AGBL4: variants seen among roughly 807,000 people sequenced by gnomAD.
The protein encoded by AGBL4 is cytosolic carboxypeptidase 6.
A neutral mutation model predicts 66.4 loss-of-function variants in AGBL4; 58 were observed. The observed-to-expected ratio is 0.87, with a 90% CI of 0.71 to 1.09. AGBL4 has a LOEUF of 1.09. Ranked by LOEUF, AGBL4 falls within the 50% of genes least tolerant of loss-of-function variation. The probability of loss-of-function intolerance (pLI) is 0.00; values close to 1 mark genes in which losing one functional copy is unlikely to be tolerated. For missense variants in AGBL4, 579 were observed against 631.0 expected (o/e 0.92, Z 0.88); for synonymous variants, 234 against 222.9 (o/e 1.05, Z -0.44).
chr1:49,780,327 A>AT (rs1557439353), intron 2 of AGBL4, among the ~76,000 whole-genome samples: 1 of 152,200 alleles, frequency 6.6e-6, no homozygotes, highest in Non-Finnish European at 1.5e-5. Context: ...ATAATTGATA[A>AT]TAAGAGCCCA....
chr1:49,304,994 T>C (rs1570392957), intron 3 of AGBL4, among the ~76,000 whole-genome samples: 2 of 152,314 alleles, frequency 1.3e-5, no homozygotes, highest in East Asian at 1.9e-4. Context: ...ACTTTATAGA[T>C]ATTAGTTAAT....
intron 1 of AGBL4, among the ~76,000 whole-genome samples, chr1:50,008,826 T>C (rs1016774013): frequency 6.6e-6 from 1 of 152,016 alleles, no homozygotes; most frequent in Non-Finnish European, 1.5e-5. Context: ...GACACTAAAA[T>C]TGATGTGGCA....
At chr1:49,688,929 T>A (rs1412921629) in intron 3 of AGBL4, among the ~76,000 whole-genome samples, 1 of 152,178 alleles carries the variant, frequency 6.6e-6, no homozygotes, top group Admixed American at 6.5e-5. Context: ...ATTATTTGAT[T>A]TTTTTCCTAT....
intron 3 of AGBL4, among the ~76,000 whole-genome samples, chr1:49,489,590 T>A (rs943313293): frequency 6.6e-6 from 1 of 151,914 alleles, no homozygotes. Context: ...TTGTGGGGTA[T>A]TACTCAAGAA....
chr1:49,101,113 C>A (rs1284407759), intron 4 of AGBL4, among the ~76,000 whole-genome samples: 1 of 152,004 alleles, frequency 6.6e-6, no homozygotes, highest in Admixed American at 6.6e-5. Flanking sequence ...TGTGAATCAT[C>A]CATCTACGGG....
At chr1:49,059,149 C>T in intron 4 of AGBL4, among the ~76,000 whole-genome samples, 1 of 152,168 alleles carries the variant, frequency 6.6e-6, no homozygotes, top group East Asian at 1.9e-4. Context: ...CCCCTCTTAT[C>T]ACAGGCCCAG....
chr1:49,223,530 A>G (rs2148281903), intron 4 of AGBL4, among the ~76,000 whole-genome samples: 1 of 152,304 alleles, frequency 6.6e-6, no homozygotes, highest in African/African-American at 2.4e-5. Flanking sequence ...ATGACTTCTT[A>G]CAAGACTAAC....
At chr1:49,079,000 C>T (rs182479555) in intron 4 of AGBL4, among the ~76,000 whole-genome samples, 1 of 152,318 alleles carries the variant, frequency 6.6e-6, no homozygotes, top group Non-Finnish European at 1.5e-5. Flanking sequence ...TTTCTTACCA[C>T]TTGCCCACTC....
chr1:48,939,929 A>C (rs1002753049), intron 5 of AGBL4, among the ~76,000 whole-genome samples: 1 of 152,220 alleles, frequency 6.6e-6, no homozygotes, highest in African/African-American at 2.4e-5. Flanking sequence ...TGCCACTGGC[A>C]TCTAGTGGGT....
chr1:49,193,596 C>A (rs1424447608), intron 4 of AGBL4, among the ~76,000 whole-genome samples: 2 of 151,272 alleles, frequency 1.3e-5, no homozygotes, highest in Non-Finnish European at 2.9e-5. Context: ...GGCGTTATCT[C>A]TGCTCACTGC....
chr1:50,000,596 A>G (rs190453665), intron 1 of AGBL4, among the ~76,000 whole-genome samples: 35 of 152,316 alleles, frequency 2.3e-4, no homozygotes, highest in Non-Finnish European at 2.1e-4. Flanking sequence ...AAAAGAAGAC[A>G]TTATACAAAA....
At chr1:50,014,942 A>G (rs1175675506) in intron 1 of AGBL4, among the ~76,000 whole-genome samples, 3 of 152,192 alleles carry the variant, frequency 2.0e-5, no homozygotes, top group African/African-American at 7.2e-5. Flanking sequence ...TTATCAGTTA[A>G]TCAAGGGAAT....
chr1:48,530,152 G>A (rs959493170), downstream of AGBL4, among the ~76,000 whole-genome samples: 11 of 152,130 alleles, frequency 7.2e-5, no homozygotes, highest in African/African-American at 2.2e-4. Context: ...TAGTGGAAGG[G>A]GAGCAGTGTT....
chr1:49,053,618 T>G (rs915346848), intron 4 of AGBL4, among the ~76,000 whole-genome samples: 1 of 152,158 alleles, frequency 6.6e-6, no homozygotes, highest in Admixed American at 6.6e-5. Flanking sequence ...TTATAGGGAA[T>G]AGTCTGAATG....
chr1:49,519,093 AT>A (rs1205477324), intron 3 of AGBL4, among the ~76,000 whole-genome samples: 1 of 152,100 alleles, frequency 6.6e-6, no homozygotes, highest in Non-Finnish European at 1.5e-5. Context: ...AACTATATTA[AT>A]GGGTTTCTAC....
intron 6 of AGBL4, among the ~76,000 whole-genome samples, chr1:48,816,087 GTGTGT>G (rs754159197): frequency 0.044 from 4,926 of 111,200 alleles, 176 homozygotes; most frequent in East Asian, 0.16. Flanking sequence ...GTGTGTGTGT[GTGTGT>G]AGAGAGAAAG....
Position 49,260,652 on chromosome 1 carries a change from T to C in AGBL4, c.283-14788A>G, listed in dbSNP as rs1010101995. 1.2e-4 allele frequency among the ~76,000 whole-genome samples: 19 copies of C among 152,220 alleles called. No homozygotes were observed. The South Asian group carries it at 2.9e-3, about 23-fold the overall frequency. ...ATAGACCAATAACAGGCTCTGAAAT[T>C]GTGGCAAAAATCAATAACTTACCAA... is the stretch of plus-strand genomic sequence containing the variant. On this transcript the variant is annotated intron_variant, in intron 3 of 13. Coordinates refer to ENST00000371839, the MANE Select transcript of AGBL4 (RefSeq NM_032785.4).
chr1:48,611,176 C>T lies in AGBL4; in HGVS notation c.952-20191G>A, dbSNP rs143509183. Among the ~76,000 whole-genome samples the T allele has an allele frequency of 6.1e-4, 93 of 152,364 alleles. 1 individual carries two copies. Among genetic ancestry groups the T allele is most frequent in the Middle Eastern group, 3.4e-3 (1 of 294 alleles). ...ATAGGCCGCCCAGCCCTCTGGCAGC[C>T]TGACAAATGGATTAGAAGCAGGCTT... On this transcript the variant is annotated intron_variant, in intron 9 of 13. Transcript: ENST00000371839.
chr1:49,183,102 A>T (rs1054002804), intron 4 of AGBL4, among the ~76,000 whole-genome samples: 24 of 152,202 alleles, frequency 1.6e-4, no homozygotes, highest in African/African-American at 5.8e-4. Context: ...GTAGTGAGTG[A>T]TTCTTCTGTC....
Sources: gnomAD v4.1 joint callset for allele counts (sites outside exome capture counted in the v4.1 genomes callset) on GRCh38, gnomAD v4.1.1 for gene constraint, MANE v1.5 for transcripts, NCBI Gene and HGNC (gene_info 2026-07-23, HGNC 2026-07-21) for gene names.